Variants in DEPDC5 observed in about 807,000 individuals in gnomAD.
DEPDC5 encodes the protein GATOR1 complex protein DEPDC5.
Under a neutral mutation model 217.3 loss-of-function variants are expected in DEPDC5, and 73 were observed. That is an observed-to-expected ratio of 0.34 (90% CI 0.28 to 0.41). The LOEUF is 0.41. Ranked by LOEUF, DEPDC5 falls within the 10% of genes least tolerant of loss-of-function variation. The pLI is 1.00. For missense variants in DEPDC5, 1,675 were observed against 2,070.1 expected (o/e 0.81, Z 3.70); for synonymous variants, 733 against 756.7 (o/e 0.97, Z 0.51).
At chr22:31,905,473 C>T (rs80133139) in intron 41 of DEPDC5, among the ~76,000 whole-genome samples, 2,177 of 151,772 alleles carry the variant, frequency 0.014, 19 homozygotes, top group Middle Eastern at 0.031. Context: ...GCGAGATTCC[C>T]TCTCACCAAA....
rs916788260 is a variant in DEPDC5 at position 31,885,617 on chromosome 22, C to T, written c.4033+5865C>T. 2.7e-5 allele frequency among the ~76,000 whole-genome samples: 4 copies of T among 150,580 alleles called. No individual in the cohort carries two copies. In the East Asian group the frequency reaches 5.9e-4, roughly 22 times the overall value. On this transcript the variant is annotated intron_variant, in intron 38 of 42. Transcript: ENST00000651528. ...GCGGGCACCTGTAGTCCCAGCTACT[C>T]GGGAGGTTGAAGCAGGAGAATGGCG...
At chr22:31,846,235 T>C (rs1417718607) in intron 30 of DEPDC5, among the ~76,000 whole-genome samples, 1 of 152,208 alleles carries the variant, frequency 6.6e-6, no homozygotes, top group East Asian at 1.9e-4. Flanking sequence ...ACATAATATG[T>C]GACCTTTTGA....
rs572876651 is a variant in DEPDC5, at chr22:31,871,420, C to G, written c.3485+676C>G. Among the ~76,000 whole-genome samples, 3 of 152,310 alleles carry G rather than the reference C, an allele frequency of 2.0e-5. No homozygotes were observed. In the East Asian group the frequency reaches 5.8e-4, roughly 29 times the overall value. ...GGCTGCTCACCTGGCTGGCCTCTGT[C>G]AGGAGTCACTCCATTTCCCTTATGT... On this transcript the variant is annotated intron_variant, in intron 34 of 42. Transcript: ENST00000651528.
At chr22:31,864,501 A>ATATATATATATATATATATATAT (rs2092618825) in intron 33 of DEPDC5, among the ~76,000 whole-genome samples, 1 of 123,158 alleles carries the variant, frequency 8.1e-6, no homozygotes, top group Non-Finnish European at 1.7e-5. Flanking sequence ...TCTTCATTAA[A>ATATATATATATATATATATATAT]ATATATATAT....
chr22:31,878,780 T>C (rs1214543285), intron 37 of DEPDC5, among the ~76,000 whole-genome samples: 1 of 151,952 alleles, frequency 6.6e-6, no homozygotes, highest in Non-Finnish European at 1.5e-5. Context: ...GACACACGCC[T>C]GTAATCCCAG....
intron 10 of DEPDC5, among the ~76,000 whole-genome samples, chr22:31,786,779 G>T (rs1322815799): frequency 6.6e-5 from 10 of 152,048 alleles, no homozygotes; most frequent in Non-Finnish European, 1.5e-5. Context: ...TAAAATTTTT[G>T]TTTTTATTTT....
chr22:31,906,180 C>G lies in DEPDC5; in HGVS notation c.4520-25C>G, dbSNP rs1603016123. ...CCAGGAGCCCTCCTGGTGGCTGCCA[C>G]ACAGGCGCTCCCCTTTCTCTTCAGG... is the stretch of plus-strand genomic sequence containing the variant. On this transcript the variant is annotated intron_variant, in intron 42 of 42. Transcript: ENST00000651528. The surrounding 1 kb of genome is among the most constrained non-coding windows in gnomAD (Gnocchi z 5.1). 1.2e-6 allele frequency: 2 copies of G among 1,612,780 alleles called. No individual in the cohort carries two copies.
chr22:31,866,643 C>T (rs1602554621), intron 33 of DEPDC5, among the ~76,000 whole-genome samples: 1 of 152,306 alleles, frequency 6.6e-6, no homozygotes. Context: ...CTCGGCCTCC[C>T]AAAGTGCTGC....
intron 32 of DEPDC5, among the ~76,000 whole-genome samples, chr22:31,860,360 A>G (rs1460081828): frequency 6.6e-6 from 1 of 152,226 alleles, no homozygotes; most frequent in East Asian, 1.9e-4. Context: ...CAGCAGTATC[A>G]ATAAAATGGG....
chr22:31,803,373 G>A (rs983172907), intron 15 of DEPDC5, among the ~76,000 whole-genome samples: 1 of 152,050 alleles, frequency 6.6e-6, no homozygotes, highest in African/African-American at 2.4e-5. Flanking sequence ...ACCATGCCCG[G>A]CTAATTTTTT....
intron 34 of DEPDC5, 167 bp from the exon 35 acceptor site, chr22:31,873,087 CT>C: frequency 1.5e-6 from 2 of 1,359,706 alleles, no homozygotes; most frequent in Non-Finnish European, 2.0e-6. Context: ...AGGAAACCCC[CT>C]ATGAGATAAC....
chr22:31,838,568 G>A (rs2091192993), intron 26 of DEPDC5, 117 bp from the exon 27 acceptor site: 2 of 1,359,204 alleles, frequency 1.5e-6, no homozygotes. Context: ...TTAGTTTTAT[G>A]AACCACCATA....
In DEPDC5 at chr22:31,881,737, G is replaced by C. The variant is rs546015725; in HGVS notation, c.4033+1985G>C. Among the ~76,000 whole-genome samples the C allele has an allele frequency of 2.1e-3, 318 of 152,110 alleles. 2 individuals are homozygous for C. Among genetic ancestry groups the C allele is most frequent in the Middle Eastern group, 0.014 (4 of 294 alleles). ...GAGGCAGGAGGATCACTTGAGGTCAGGAGTTTGAGACCAGCCTGGCCAACA... is the reference window on the plus strand; with the variant it reads ...GAGGCAGGAGGATCACTTGAGGTCACGAGTTTGAGACCAGCCTGGCCAACA... On this transcript the variant is annotated intron_variant, in intron 38 of 42. Transcript: ENST00000651528.
chr22:31,879,410 T>G (rs1258649962), intron 37 of DEPDC5, 115 bp from the exon 38 acceptor site: 1 of 922,244 alleles, frequency 1.1e-6, no homozygotes, highest in Non-Finnish European at 1.7e-6. Context: ...TGTGGCCTTG[T>G]GTGTCGGCTT....
chr22:31,763,165 A>G (rs569806766), intron 4 of DEPDC5, among the ~76,000 whole-genome samples: 1 of 151,878 alleles, frequency 6.6e-6, no homozygotes, highest in African/African-American at 2.4e-5. Flanking sequence ...TAATTTTTGT[A>G]TTTTTAGTGG....
intron 31 of DEPDC5, among the ~76,000 whole-genome samples, chr22:31,849,042 G>A (rs1440089022): frequency 6.6e-6 from 1 of 152,128 alleles, no homozygotes; most frequent in Non-Finnish European, 1.5e-5. Flanking sequence ...ATCACTATCA[G>A]CATTTTGGTC....
At chr22:31,784,621 A>T in intron 9 of DEPDC5, 193 bp from the exon 10 acceptor site, 2 of 81,034 alleles carry the variant, frequency 2.5e-5, no homozygotes, top group South Asian at 8.7e-4. Context: ...CTCCCATCTC[A>T]AAAAAAAAAA....
At chr22:31,811,005 C>T (rs2088243431) in intron 20 of DEPDC5, among the ~76,000 whole-genome samples, 1 of 152,038 alleles carries the variant, frequency 6.6e-6, no homozygotes, top group Non-Finnish European at 1.5e-5. Context: ...GAACTCCCGA[C>T]CTCAGGTGAT....
intron 34 of DEPDC5, 150 bp from the exon 35 acceptor site, chr22:31,873,105 A>T: frequency 6.8e-7 from 1 of 1,467,744 alleles, no homozygotes; most frequent in Non-Finnish European, 9.2e-7. Context: ...TAACCCCCTG[A>T]TATAGCTGTT....
Sources: gnomAD v4.1 joint callset for allele counts (sites outside exome capture counted in the v4.1 genomes callset) on GRCh38, gnomAD v4.1.1 for gene constraint, Gnocchi (gnomAD v3.1) non-coding constraint, MANE v1.5 for transcripts, NCBI Gene and HGNC (gene_info 2026-07-23, HGNC 2026-07-21) for gene names.